INPP4B: variants seen among roughly 807,000 people sequenced by gnomAD.
INPP4B encodes the protein inositol polyphosphate 4-phosphatase type II.
A neutral mutation model predicts 122.5 loss-of-function variants in INPP4B; 55 were observed. That is an observed-to-expected ratio of 0.45 (90% CI 0.36 to 0.56). INPP4B has a LOEUF of 0.56. INPP4B is among the 20% of genes least tolerant of loss of function. INPP4B has a pLI of 0.00. For missense variants in INPP4B, 1,000 were observed against 1,097.7 expected (o/e 0.91, Z 1.26); for synonymous variants, 403 against 388.7 (o/e 1.04, Z -0.43).
intron 2 of INPP4B, among the ~76,000 whole-genome samples, chr4:142,695,828 C>G (rs1049511032): frequency 6.6e-6 from 1 of 152,100 alleles, no homozygotes; most frequent in African/African-American, 2.4e-5. Flanking sequence ...ATATTTTACC[C>G]CAAAATATAC....
intron 2 of INPP4B, among the ~76,000 whole-genome samples, chr4:142,506,020 C>A (rs1823983373): frequency 6.6e-6 from 1 of 151,990 alleles, no homozygotes; most frequent in African/African-American, 2.4e-5. Context: ...GTTCTATTTT[C>A]CCCATTTTGA....
At chr4:142,173,553 G>C (rs1235025931) in intron 16 of INPP4B, 79 bp downstream of exon 16, 1 of 1,176,294 alleles carries the variant, frequency 8.5e-7, no homozygotes, top group African/African-American at 1.5e-5. Context: ...TGCTATGAAT[G>C]GCGATGTATG....
chr4:142,618,905 C>T (rs1368518116), intron 2 of INPP4B, among the ~76,000 whole-genome samples: 1 of 149,864 alleles, frequency 6.7e-6, no homozygotes, highest in East Asian at 2.0e-4. Context: ...AAATAAATAA[C>T]AGCCAAATAA....
At chr4:142,134,744 C>G (rs1245656131) in intron 18 of INPP4B, among the ~76,000 whole-genome samples, 1 of 138,836 alleles carries the variant, frequency 7.2e-6, no homozygotes. Context: ...TTGTGGTGAG[C>G]TGAGATCACA....
intron 23 of INPP4B, among the ~76,000 whole-genome samples, chr4:142,097,815 C>T (rs1230104813): frequency 2.0e-5 from 3 of 152,142 alleles, no homozygotes; most frequent in African/African-American, 7.2e-5. Flanking sequence ...TTAACTATTT[C>T]CAAGATCCAA....
intron 1 of INPP4B, among the ~76,000 whole-genome samples, chr4:142,738,702 CAT>C (rs1346374078): frequency 2.0e-5 from 3 of 152,062 alleles, no homozygotes; most frequent in African/African-American, 7.2e-5. Flanking sequence ...CTGTATTCCC[CAT>C]ATGTGTCTAC....
chr4:142,824,386 G>A (rs1417435347), intron 1 of INPP4B, among the ~76,000 whole-genome samples: 1 of 150,890 alleles, frequency 6.6e-6, no homozygotes, highest in African/African-American at 2.5e-5. Context: ...GGCCAAAATA[G>A]TCCTCTAGGC....
In INPP4B at chr4:142,661,839, T is replaced by A. The variant is rs541104279; in HGVS notation, c.-191+64000A>T. On this transcript the variant is annotated intron_variant, in intron 2 of 25. Transcript: ENST00000262992. ...CAGTCCATCTGAAGCTAGTAGTAGA[T>A]GCATATGGAGCTCAGGAGACGTTAC... Among the ~76,000 whole-genome samples the A allele has an allele frequency of 2.0e-5, 3 of 152,332 alleles. No homozygotes were observed. The East Asian group carries it at 5.8e-4, about 29-fold the overall frequency.
intron 7 of INPP4B, among the ~76,000 whole-genome samples, chr4:142,375,526 GT>G (rs1791523302): frequency 6.6e-6 from 1 of 151,886 alleles, no homozygotes; most frequent in Admixed American, 6.6e-5. Context: ...ACTCTAAGGA[GT>G]TTGGAAGTAG....
chr4:142,179,678 C>T lies in INPP4B; in HGVS notation c.1182-5869G>A, dbSNP rs1406440742. ...TTTAGTTTGCAAGTTCTTACTTGTA[C>T]TTTCTAAACCAATGAAACGTCTTTT... is the stretch of plus-strand genomic sequence containing the variant. On this transcript the variant is annotated intron_variant, in intron 15 of 25. Transcript: ENST00000262992. 2.6e-5 allele frequency among the ~76,000 whole-genome samples: 4 copies of T among 152,170 alleles called. No individual in the cohort carries two copies. In the East Asian group the frequency reaches 5.8e-4, roughly 22 times the overall value.
At chr4:142,774,643 T>A (rs1488651260) in intron 1 of INPP4B, among the ~76,000 whole-genome samples, 1 of 152,104 alleles carries the variant, frequency 6.6e-6, no homozygotes, top group African/African-American at 2.4e-5. Context: ...TTTTTAATCA[T>A]CTGTTCCATT....
intron 2 of INPP4B, among the ~76,000 whole-genome samples, chr4:142,710,089 T>C (rs1328792463): frequency 6.6e-6 from 1 of 152,212 alleles, no homozygotes; most frequent in Admixed American, 6.5e-5. Context: ...CTCTCCAGCA[T>C]AGTTAATTCC....
chr4:142,481,005 C>A lies in INPP4B; in HGVS notation c.-190-18279G>T, dbSNP rs546162809. 2.0e-5 allele frequency among the ~76,000 whole-genome samples: 3 copies of A among 151,618 alleles called. No individual in the cohort carries two copies. The East Asian group carries it at 5.8e-4, about 29-fold the overall frequency. On this transcript the variant is annotated intron_variant, in intron 2 of 25. Transcript: ENST00000262992. The stretch of plus-strand genomic sequence containing the variant: ...TAAAAATTAGCTGGGCATGGTGGCA[C>A]GAACCTATAGTCCCAGCTACTCGGG...
At chr4:142,149,276 G>A (rs1469975549) in intron 17 of INPP4B, among the ~76,000 whole-genome samples, 1 of 152,180 alleles carries the variant, frequency 6.6e-6, no homozygotes, top group Non-Finnish European at 1.5e-5. Flanking sequence ...AAGAGAAGGA[G>A]GTGACTCCAG....
chr4:142,051,962 C>T (rs934447607), intron 25 of INPP4B, among the ~76,000 whole-genome samples: 1 of 151,900 alleles, frequency 6.6e-6, no homozygotes, highest in South Asian at 2.1e-4. Flanking sequence ...AATGTGGATT[C>T]CTTATAGTTA....
At chr4:142,316,346 T>C (rs1767650299) in intron 7 of INPP4B, among the ~76,000 whole-genome samples, 1 of 152,212 alleles carries the variant, frequency 6.6e-6, no homozygotes, top group Non-Finnish European at 1.5e-5. Context: ...GTCCATTATC[T>C]GAAAGTCATC....
chr4:142,632,374 G>A (rs1748163165), intron 2 of INPP4B, among the ~76,000 whole-genome samples: 1 of 152,098 alleles, frequency 6.6e-6, no homozygotes, highest in African/African-American at 2.4e-5. Context: ...CTCATATGTA[G>A]GAGTTAAGAA....
At chr4:142,343,289 G>C (rs1479023778) in intron 7 of INPP4B, among the ~76,000 whole-genome samples, 1 of 151,952 alleles carries the variant, frequency 6.6e-6, no homozygotes, top group African/African-American at 2.4e-5. Context: ...TATTCTGACT[G>C]GTAAATTACC....
At chr4:142,598,188 C>G (rs1739121181) in intron 2 of INPP4B, among the ~76,000 whole-genome samples, 1 of 152,068 alleles carries the variant, frequency 6.6e-6, no homozygotes, top group Admixed American at 6.6e-5. Flanking sequence ...CCCCCAGGGG[C>G]TTGGTATTAC....
Sources: gnomAD v4.1 joint callset for allele counts (sites outside exome capture counted in the v4.1 genomes callset) on GRCh38, gnomAD v4.1.1 for gene constraint, MANE v1.5 for transcripts, NCBI Gene and HGNC (gene_info 2026-07-23, HGNC 2026-07-21) for gene names.